ZNF460: variants seen among roughly 807,000 people sequenced by gnomAD.
ZNF460 encodes zinc finger protein 460, also known as zinc finger protein 272.
A neutral mutation model predicts 8.4 loss-of-function variants in ZNF460; 1 was observed. The ratio of observed to expected loss-of-function variants is 0.12; its 90% CI spans 0.04 to 0.56. The LOEUF is 0.56. Among genes scored for constraint, ZNF460 ranks in the 20% least tolerant of loss-of-function variants. The probability of loss-of-function intolerance (pLI) is 0.91; values close to 1 mark genes in which losing one functional copy is unlikely to be tolerated. For missense variants in ZNF460, 477 were observed against 714.8 expected, an observed-to-expected ratio of 0.67 and a Z score of 3.79; for synonymous variants, 262 against 259.9, an observed-to-expected ratio of 1.01 and a Z score of -0.08.
chr19:57,283,262 G>A (rs1031385039), intron 1 of ZNF460, among the ~76,000 whole-genome samples: 5 of 151,252 alleles, frequency 3.3e-5, no homozygotes, highest in Admixed American at 6.6e-5. Context: ...CATCGCCTCC[G>A]ACGTTCAAGC....
intron 2 of ZNF460, among the ~76,000 whole-genome samples, chr19:57,288,910 T>TA (rs1023949098): frequency 1.3e-4 from 19 of 150,790 alleles, no homozygotes; most frequent in Non-Finnish European, 2.1e-4. Flanking sequence ...TTTTTTTTTT[T>TA]AAGAGATGGA....
chr19:57,284,329 A>G (rs1449330646), intron 1 of ZNF460, among the ~76,000 whole-genome samples: 2 of 151,828 alleles, frequency 1.3e-5, no homozygotes, highest in Non-Finnish European at 2.9e-5. Flanking sequence ...AGGTTCAAGC[A>G]GTTCTCCTGC....
intron 1 of ZNF460, among the ~76,000 whole-genome samples, chr19:57,282,833 T>G (rs764797891): frequency 2.9e-4 from 44 of 151,658 alleles, no homozygotes; most frequent in Non-Finnish European, 5.4e-4. Flanking sequence ...CTACAAAAAG[T>G]ACAAAAAATT....
chr19:57,283,145 G>GTT (rs59796969), intron 1 of ZNF460, among the ~76,000 whole-genome samples: 33 of 142,924 alleles, frequency 2.3e-4, no homozygotes, highest in African/African-American at 8.0e-4. Context: ...GTGTTTGTTT[G>GTT]TTTTTTTTTT....
chr19:57,282,242 C>T (rs928787770), intron 1 of ZNF460, among the ~76,000 whole-genome samples: 1 of 152,188 alleles, frequency 6.6e-6, no homozygotes, highest in African/African-American at 2.4e-5. Context: ...CTGACATATT[C>T]TGAGAGGGCA....
chr19:57,288,887 T>C (rs1299430740), intron 2 of ZNF460, among the ~76,000 whole-genome samples: 1 of 151,278 alleles, frequency 6.6e-6, no homozygotes, highest in Non-Finnish European at 1.5e-5. Context: ...TTTTATTTAT[T>C]ATTATTACTT....
chr19:57,288,482 A>G (rs889991114), intron 2 of ZNF460, among the ~76,000 whole-genome samples: 3 of 152,216 alleles, frequency 2.0e-5, no homozygotes, highest in African/African-American at 7.2e-5. Context: ...GGCATGAGCC[A>G]CCGTGCCCAG....
In ZNF460 at chr19:57,292,679, C is replaced by T. The variant is rs561733969; in HGVS notation, c.*449C>T. 6.2e-6 allele frequency: 1 copy of T among 160,218 alleles called. No homozygotes were observed. Among genetic ancestry groups the T allele is most frequent in the African/African-American group, 2.4e-5 (1 of 41,610 alleles). 9.9% of individuals were successfully genotyped at this position (160,218 alleles called of 1,614,324 possible). Reference sequence around the variant, plus strand: ...AGCCCATGGCAATTTGTCATCCCCTCCTTATTTTATTTGGGAGAGGGAAAT... The same window carrying T: ...AGCCCATGGCAATTTGTCATCCCCTTCTTATTTTATTTGGGAGAGGGAAAT... On this transcript the variant is annotated 3_prime_UTR_variant, in exon 3 of 3. Transcript: ENST00000360338.
Position 57,291,472 on chromosome 19 carries a change from A to C in ZNF460, c.931A>C (p.Ser311Arg), listed in dbSNP as rs1036115670. 6.2e-7 allele frequency: 1 copy of C among 1,614,000 alleles called. No individual in the cohort carries two copies. Residue 311 changes from serine to arginine, a missense_variant, in exon 3 of 3, where the codon AGC (serine) becomes CGC (arginine). By Grantham distance (110) the Ser-to-Arg change is moderately radical (BLOSUM62 -1). This residue lies in a region of ZNF460 where 193 missense variants were observed against 391.7 expected (regional missense o/e 0.49). Coordinates refer to ENST00000360338, the MANE Select transcript of ZNF460 (RefSeq NM_006635.4). The surrounding 1 kb of genome is among the most constrained non-coding windows in gnomAD (Gnocchi z 8.4). ...SHNEKKPFAC[S>R]ECGKGFYEST... ...CAATGAGAAGAAACCCTTCGCATGC[A>C]GCGAATGTGGAAAAGGCTTTTATGA...
chr19:57,282,549 C>T (rs551229771), intron 1 of ZNF460, among the ~76,000 whole-genome samples: 2 of 152,258 alleles, frequency 1.3e-5, no homozygotes, highest in East Asian at 3.9e-4. Flanking sequence ...ACTTCTCTGC[C>T]CTTGTCCATG....
At chr19:57,281,403 G>A (rs556516632) in intron 1 of ZNF460, among the ~76,000 whole-genome samples, 1 of 152,104 alleles carries the variant, frequency 6.6e-6, no homozygotes, top group East Asian at 1.9e-4. Context: ...TAGATAATCT[G>A]ATGGTATTAA....
At position 57,284,662 on chromosome 19, in the gene ZNF460, C is replaced by T; in HGVS notation, c.142C>T (p.Leu48Phe). The change falls in exon 2 of 3, where the codon CTT becomes TTT. Residue 48 changes from leucine (L) to phenylalanine (F), a missense_variant. Leu to Phe is a conservative substitution (Grantham distance 22). This residue lies in a region of ZNF460 where 169 missense variants were observed against 178.6 expected (regional missense o/e 0.95). Transcript: ENST00000360338. ...YVEVMLETCG[L>F]LVALGDSTKP... is the part of the protein sequence containing the mutation. ...GGAGGTGATGCTGGAGACCTGTGGG[C>T]TTCTGGTCGCACTGGGTAAGGCCTG... The T allele has an allele frequency of 6.2e-7, 1 of 1,611,398 alleles. No homozygotes were observed. Among genetic ancestry groups the T allele is most frequent in the Non-Finnish European group, 8.5e-7 (1 of 1,178,780 alleles).
rs2087920429 is a variant in ZNF460 at position 57,291,881 on chromosome 19, C to T, written c.1340C>T (p.Pro447Leu). Residue 447 changes from proline (P) to leucine (L), a missense_variant, in exon 3 of 3, where the codon CCG becomes CTG. Transcript: ENST00000360338. This position sits in a 1 kb window ranked among gnomAD's most constrained non-coding sequence, Gnocchi z 8.4. Reference protein sequence around the residue: ...RHQWIHTGEKPYVCIQCGKAF... With the variant: ...RHQWIHTGEKLYVCIQCGKAF... ...CAGTGGATTCATACTGGAGAGAAGCCGTATGTATGCATCCAATGTGGGAAA... is the reference window on the plus strand; with the variant it reads ...CAGTGGATTCATACTGGAGAGAAGCTGTATGTATGCATCCAATGTGGGAAA... The T allele has an allele frequency of 6.2e-7, 1 of 1,613,996 alleles. No individual in the cohort carries two copies. Among genetic ancestry groups the T allele is most frequent in the Non-Finnish European group, 8.5e-7 (1 of 1,180,044 alleles).
At position 57,288,000 on chromosome 19, in the gene ZNF460, CAAA is replaced by C. The variant is rs149340875; in HGVS notation, c.158-2698_158-2696del. Among the ~76,000 whole-genome samples the C allele has an allele frequency of 2.8e-3, 422 of 152,002 alleles. 3 individuals carry two copies. Among genetic ancestry groups the C allele is most frequent in the African/African-American group, 9.7e-3 (404 of 41,442 alleles). ...CGAGACCCCATCTCAAAAAAACAAACAAACAAAAAAAACCATCATTTCATTTTA... is the reference window on the plus strand; with the variant it reads ...CGAGACCCCATCTCAAAAAAACAAACCAAAAAAAACCATCATTTCATTTTA... On this transcript the variant is annotated intron_variant, in intron 2 of 2. Coordinates refer to ENST00000360338, the MANE Select transcript of ZNF460 (RefSeq NM_006635.4).
Position 57,290,727 on chromosome 19 carries a change from G to A in ZNF460, c.186G>A (p.Glu62=), listed in dbSNP as rs772216926. Residue 62 remains glutamate, a synonymous_variant, in exon 3 of 3, where the codon GAG becomes GAA. Transcript: ENST00000360338. ...LGDSTKPETV[E]PIPSHLALPE... is the part of the protein sequence containing the mutation. Reference sequence around the variant, plus strand: ...ACAGCACAAAACCTGAGACCGTAGAGCCTATCCCTTCTCATCTGGCCTTGC... The same window carrying A: ...ACAGCACAAAACCTGAGACCGTAGAACCTATCCCTTCTCATCTGGCCTTGC... The A allele has an allele frequency of 2.5e-6, 4 of 1,613,984 alleles. No individual in the cohort carries two copies. In the East Asian group the frequency reaches 8.9e-5, roughly 36 times the overall value.
At position 57,292,270 on chromosome 19, in the gene ZNF460, T is replaced by C; in HGVS notation, c.*40T>C. On this transcript the variant is annotated 3_prime_UTR_variant, in exon 3 of 3. Coordinates refer to ENST00000360338, the MANE Select transcript of ZNF460 (RefSeq NM_006635.4). ...CTTTTTACGTACACTTCAGTCAACA[T>C]CCAAGAATTCCTATTAGCGAAATAG... 6.5e-7 allele frequency: 1 copy of C among 1,545,030 alleles called. No homozygotes were observed. The highest frequency in any genetic ancestry group is 1.4e-5 in the African/African-American group (1 of 72,704).
chr19:57,280,828 C>A lies in ZNF460; in HGVS notation c.22C>A (p.Pro8Thr). The change falls in exon 1 of 3, where the codon CCG becomes ACG. Residue 8 changes from proline (P) to threonine (T), a missense_variant. Coordinates refer to ENST00000360338, the MANE Select transcript of ZNF460 (RefSeq NM_006635.4). ...CGGGATGGCGGCGGCGTGGATGGCT[C>A]CGGCGCAGGTGAGTGGACGAGGTTT... MAAAWMA[P>T]AQESVTFEDV... 6.2e-7 allele frequency: 1 copy of A among 1,614,102 alleles called. No individual in the cohort carries two copies. The highest frequency in any genetic ancestry group is 2.2e-5 in the East Asian group (1 of 44,868).
At chr19:57,280,916 C>T (rs914924411) in intron 1 of ZNF460, 80 bp downstream of exon 1, 1 of 1,582,764 alleles carries the variant, frequency 6.3e-7, no homozygotes, top group Non-Finnish European at 8.6e-7. Context: ...CCAAGACAGC[C>T]ACAGGATTTT....
intron 2 of ZNF460, 109 bp downstream of exon 2, chr19:57,284,786 C>A: frequency 8.1e-7 from 1 of 1,237,188 alleles, no homozygotes; most frequent in Non-Finnish European, 1.1e-6. Flanking sequence ...TGGGAGCCAG[C>A]CCTCCTGTTT....
Sources: gnomAD v4.1 joint callset for allele counts (sites outside exome capture counted in the v4.1 genomes callset) on GRCh38, gnomAD v4.1.1 for gene constraint, gnomAD v4.1.1 regional missense constraint, Gnocchi (gnomAD v3.1) non-coding constraint, MANE v1.5 for transcripts, NCBI Gene and HGNC (gene_info 2026-07-23, HGNC 2026-07-21) for gene names.